MECOM: variants seen among roughly 807,000 people sequenced by gnomAD.
MECOM encodes the protein MDS1 and EVI1 complex locus.
In MECOM, 13 loss-of-function variants were observed where a neutral mutation model predicts 116.3. The ratio of observed to expected loss-of-function variants is 0.11; its 90% CI spans 0.07 to 0.18. The LOEUF (loss-of-function observed/expected upper bound fraction) is 0.18, where lower values mean the gene tolerates loss of function less well. MECOM is among the 10% of genes least tolerant of loss of function. The pLI is 1.00. For synonymous variants in MECOM, 528 were observed against 535.2 expected (o/e 0.99, Z 0.19); for missense variants, 1,299 against 1,509.0 (o/e 0.86, Z 2.31).
At position 169,115,461 on chromosome 3, in the gene MECOM, T is replaced by C; in HGVS notation, c.2411A>G (p.Asn804Ser). The change falls in exon 8 of 17, where the codon AAC (asparagine) becomes AGC (serine). Residue 804 changes from asparagine (N) to serine (S), a missense_variant. Around this residue, in one of 6 missense-constraint regions of MECOM, gnomAD observed 340 missense variants for 312.6 expected, o/e 1.09. Coordinates refer to ENST00000651503, the MANE Select transcript of MECOM (RefSeq NM_004991.4). ...NHVFGGKKGS[N>S]VESRPASDGS... The stretch of plus-strand genomic sequence containing the variant: ...ATCTGAAGCAGGTCTTGATTCGACG[T>C]TGCTTCCTTTTTTTCCCCCAAACAC... 1 of 1,614,182 alleles carries C rather than the reference T, an allele frequency of 6.2e-7. No individual in the cohort carries two copies.
At chr3:169,626,126 G>A (rs1771340313) in intron 1 of MECOM, among the ~76,000 whole-genome samples, 2 of 152,196 alleles carry the variant, frequency 1.3e-5, no homozygotes, top group Admixed American at 1.3e-4. Context: ...TGGTTTAAAA[G>A]TGAGTACCAG....
At chr3:169,544,860 G>A (rs1205841071) in intron 1 of MECOM, among the ~76,000 whole-genome samples, 1 of 152,074 alleles carries the variant, frequency 6.6e-6, no homozygotes, top group African/African-American at 2.4e-5. Context: ...AAACACACCA[G>A]GGCCTGTCAG....
At chr3:169,134,628 T>G (rs943973226) in intron 3 of MECOM, among the ~76,000 whole-genome samples, 3 of 152,356 alleles carry the variant, frequency 2.0e-5, no homozygotes, top group Admixed American at 6.5e-5. Context: ...AGTCCTTTTC[T>G]CAAGGTGTTT....
chr3:169,162,662 C>T (rs1396352084), intron 2 of MECOM, among the ~76,000 whole-genome samples: 1 of 152,208 alleles, frequency 6.6e-6, no homozygotes, highest in African/African-American at 2.4e-5. Context: ...CTCACGTAAT[C>T]ATCCTCACAT....
chr3:169,624,581 CT>C (rs60111099), intron 1 of MECOM, among the ~76,000 whole-genome samples: 1,870 of 152,314 alleles, frequency 0.012, 39 homozygotes, highest in African/African-American at 0.041. Flanking sequence ...GTGCTACCCT[CT>C]GATGGGAACA....
At chr3:169,352,533 T>TG (rs1207747349) in intron 2 of MECOM, among the ~76,000 whole-genome samples, 2 of 151,852 alleles carry the variant, frequency 1.3e-5, no homozygotes, top group South Asian at 2.1e-4. Flanking sequence ...TGAAACTTGT[T>TG]GGGGGGAAAA....
intron 1 of MECOM, among the ~76,000 whole-genome samples, chr3:169,564,594 C>G (rs950748205): frequency 6.6e-6 from 1 of 152,142 alleles, no homozygotes; most frequent in African/African-American, 2.4e-5. Context: ...CAAGTGCCCC[C>G]CCAAAAAATA....
chr3:169,276,736 A>C (rs1405317725), intron 2 of MECOM, among the ~76,000 whole-genome samples: 1 of 152,140 alleles, frequency 6.6e-6, no homozygotes, highest in East Asian at 1.9e-4. Flanking sequence ...ACGCATAAGA[A>C]GATCTGGTGC....
intron 2 of MECOM, among the ~76,000 whole-genome samples, chr3:169,341,199 C>A (rs577375025): frequency 6.6e-6 from 1 of 152,060 alleles, no homozygotes; most frequent in South Asian, 2.1e-4. Flanking sequence ...CATTCTTTTT[C>A]TTTGAGAAAA....
intron 4 of MECOM, among the ~76,000 whole-genome samples, chr3:169,128,400 A>T (rs1274684448): frequency 6.6e-6 from 1 of 152,196 alleles, no homozygotes; most frequent in Non-Finnish European, 1.5e-5. Context: ...CATTCCTTAA[A>T]ACCTGATTAT....
intron 1 of MECOM, among the ~76,000 whole-genome samples, chr3:169,383,534 A>T (rs1485314920): frequency 3.9e-5 from 6 of 152,162 alleles, no homozygotes; most frequent in Non-Finnish European, 7.3e-5. Context: ...TTCTTGCAAG[A>T]TTCTAACCTT....
chr3:169,116,372 G>A lies in MECOM; in HGVS notation c.1500C>T (p.Tyr500=), dbSNP rs1729156104. ...SFPGLFPSGL[Y]HRPPLIPASS... ...TAGCAGGTATCAAAGGAGGCCTGTG[G>A]TACAAGCCGGAAGGAAACAGACCAG... Residue 500 remains tyrosine, a synonymous_variant, in exon 8 of 17, where the codon TAC becomes TAT. Transcript: ENST00000651503. 1.2e-6 allele frequency: 2 copies of A among 1,614,100 alleles called. No individual in the cohort carries two copies. The highest frequency in any genetic ancestry group is 2.7e-5 in the African/African-American group (2 of 74,940).
chr3:169,635,794 ATTAAT>A (rs1409179030), intron 1 of MECOM, among the ~76,000 whole-genome samples: 2 of 152,198 alleles, frequency 1.3e-5, no homozygotes, highest in African/African-American at 2.4e-5. Context: ...CATTTTCATA[ATTAAT>A]TTATTTCTTT....
chr3:169,132,309 C>T (rs1281720914), intron 3 of MECOM, among the ~76,000 whole-genome samples: 3 of 152,174 alleles, frequency 2.0e-5, no homozygotes, highest in South Asian at 2.1e-4. Flanking sequence ...AGAACCCTGA[C>T]CTGAAATTTC....
intron 2 of MECOM, among the ~76,000 whole-genome samples, chr3:169,152,203 C>A (rs1741269985): frequency 6.6e-6 from 1 of 152,034 alleles, no homozygotes; most frequent in Non-Finnish European, 1.5e-5. Context: ...AGAGAGATTA[C>A]TGGTGACTCT....
At chr3:169,128,426 A>C (rs1357822341) in intron 4 of MECOM, among the ~76,000 whole-genome samples, 1 of 152,218 alleles carries the variant, frequency 6.6e-6, no homozygotes, top group African/African-American at 2.4e-5. Flanking sequence ...ATTGTAAGTC[A>C]GATTTTTATC....
chr3:169,507,215 G>T (rs1369295144), intron 1 of MECOM, among the ~76,000 whole-genome samples: 1 of 152,136 alleles, frequency 6.6e-6, no homozygotes, highest in Non-Finnish European at 1.5e-5. Context: ...CTGTCCTCTT[G>T]CCAGCCACTA....
At chr3:169,100,097 CTTTCT>C (rs1278811957) in intron 12 of MECOM, among the ~76,000 whole-genome samples, 2 of 92,434 alleles carry the variant, frequency 2.2e-5, no homozygotes, top group Non-Finnish European at 4.0e-5. Flanking sequence ...TTCTTTCTTT[CTTTCT>C]TTTTTTTTTT....
Position 169,121,161 on chromosome 3 carries a change from C to T in MECOM, c.1027G>A (p.Val343Ile), listed in dbSNP as rs1248257719. ...GGGCATGCATGGGCCCGGGCACCGACATGCTGAGAGCGAATGTGCCGCTGA... is the reference window on the plus strand; with the variant it reads ...GGGCATGCATGGGCCCGGGCACCGATATGCTGAGAGCGAATGTGCCGCTGA... ...NLQRHIRSQH[V>I]GARAHACPEC... The change falls in exon 7 of 17, where the codon GTC (valine) becomes ATC (isoleucine). Residue 343 changes from valine to isoleucine, a missense_variant. Val to Ile is a conservative substitution (Grantham distance 29, BLOSUM62 3). This residue lies in a region of MECOM where 374 missense variants were observed against 433.4 expected (regional missense o/e 0.86). Coordinates refer to ENST00000651503, the MANE Select transcript of MECOM (RefSeq NM_004991.4). 1 of 1,613,222 alleles carries T rather than the reference C, an allele frequency of 6.2e-7. No individual in the cohort carries two copies. Among genetic ancestry groups the T allele is most frequent in the African/African-American group, 1.3e-5 (1 of 74,900 alleles).
Sources: allele counts gnomAD v4.1 joint callset (sites outside exome capture counted in the v4.1 genomes callset), GRCh38; gene constraint gnomAD v4.1.1; regional missense constraint gnomAD v4.1.1; transcripts MANE v1.5; gene names NCBI Gene and HGNC (gene_info 2026-07-23, HGNC 2026-07-21).